The following SLC14A2 variants were observed in gnomAD, a reference collection of about 807,000 sequenced individuals.
SLC14A2 encodes the protein urea transporter 2.
SLC14A2 carries 91 observed loss-of-function variants against 104.6 expected under a neutral mutation model. The ratio of observed to expected loss-of-function variants is 0.87; its 90% CI spans 0.73 to 1.04. The LOEUF (loss-of-function observed/expected upper bound fraction) is 1.04, where lower values mean the gene tolerates loss of function less well. Among genes scored for constraint, SLC14A2 ranks in the 50% least tolerant of loss-of-function variants. The pLI is 0.00. For missense variants in SLC14A2, 1,189 were observed against 1,156.0 expected (o/e 1.03, Z -0.41); for synonymous variants, 476 against 466.4 (o/e 1.02, Z -0.27).
chr18:45,566,946 T>C lies in SLC14A2; in HGVS notation c.-34-57685T>C, dbSNP rs950430891. ...AAGTAACAACTAAAAGTTTCTGCCT[T>C]ATGTGGTCAATGGGAATCTGGTGAT... On this transcript the variant is annotated intron_variant, in intron 2 of 20. Coordinates refer to the SLC14A2 transcript ENST00000586448. Among the ~76,000 whole-genome samples the C allele has an allele frequency of 3.9e-5, 6 of 152,292 alleles. 1 individual carries two copies. The highest frequency in any genetic ancestry group is 6.5e-5 in the Admixed American group (1 of 15,288).
intron 1 of SLC14A2, among the ~76,000 whole-genome samples, chr18:45,478,976 G>C (rs1201835665): frequency 1.3e-5 from 2 of 152,208 alleles, no homozygotes; most frequent in African/African-American, 4.8e-5. Flanking sequence ...ACCCCCAAAA[G>C]ACGGTGTTGG....
chr18:45,469,851 T>C (rs2543003), intron 1 of SLC14A2, among the ~76,000 whole-genome samples: 34,701 of 152,088 alleles, frequency 0.23, 4,145 homozygotes, highest in Non-Finnish European at 0.27. Flanking sequence ...ACTAGAGAAG[T>C]AGGCAGGGAC....
chr18:45,460,042 A>G (rs1023277265), intron 1 of SLC14A2, among the ~76,000 whole-genome samples: 5 of 152,204 alleles, frequency 3.3e-5, no homozygotes, highest in African/African-American at 7.2e-5. Flanking sequence ...GGACTCTTCC[A>G]GCTTCCTTTA....
intron 1 of SLC14A2, among the ~76,000 whole-genome samples, chr18:45,222,465 C>G (rs1430027605): frequency 2.0e-5 from 3 of 152,158 alleles, no homozygotes; most frequent in Non-Finnish European, 4.4e-5. Flanking sequence ...GAAGTACAGA[C>G]AGTTCTGTTC....
At chr18:45,380,210 A>G (rs970719735) in intron 1 of SLC14A2, among the ~76,000 whole-genome samples, 2 of 152,208 alleles carry the variant, frequency 1.3e-5, no homozygotes, top group African/African-American at 4.8e-5. Flanking sequence ...GCTAAATATC[A>G]TAAGACCAAC....
chr18:45,235,988 T>C (rs1270624612), intron 1 of SLC14A2, among the ~76,000 whole-genome samples: 5 of 60,374 alleles, frequency 8.3e-5, no homozygotes, highest in South Asian at 4.7e-4. Context: ...TGTATATATG[T>C]GTATATATAC....
the SLC14A2 span, among the ~76,000 whole-genome samples, chr18:45,192,226 G>A: frequency 6.6e-6 from 1 of 152,018 alleles, no homozygotes; most frequent in Non-Finnish European, 1.5e-5. Flanking sequence ...GTGGTATCAG[G>A]CATATATTCA....
intron 1 of SLC14A2, among the ~76,000 whole-genome samples, chr18:45,320,839 C>A (rs1455727158): frequency 6.6e-6 from 1 of 152,208 alleles, no homozygotes; most frequent in Non-Finnish European, 1.5e-5. Context: ...CTACAACACC[C>A]ACTCCTTTTC....
chr18:45,296,185 G>T (rs2084916565), intron 1 of SLC14A2, among the ~76,000 whole-genome samples: 1 of 152,134 alleles, frequency 6.6e-6, no homozygotes. Flanking sequence ...TTTGCACTGG[G>T]CTCTGGGGAA....
chr18:45,640,510 T>C lies in SLC14A2; in HGVS notation c.991+617T>C, dbSNP rs768159580. 1.3e-4 allele frequency among the ~76,000 whole-genome samples: 20 copies of C among 152,214 alleles called. 1 individual carries two copies. The highest frequency in any genetic ancestry group is 2.8e-4 in the Non-Finnish European group (19 of 68,040). On this transcript the variant is annotated intron_variant, in intron 7 of 19. Coordinates refer to ENST00000255226, the MANE Select transcript of SLC14A2 (RefSeq NM_007163.4). The stretch of plus-strand genomic sequence containing the variant: ...CTTAACAAATGTGCTTTAATATTGC[T>C]ACCTGTGTATATGTATGTATACACA...
At chr18:45,635,312 T>C (rs2045402038) in intron 5 of SLC14A2, among the ~76,000 whole-genome samples, 1 of 152,198 alleles carries the variant, frequency 6.6e-6, no homozygotes, top group Admixed American at 6.5e-5. Flanking sequence ...AGAAGATTTT[T>C]TAGAAGAGAG....
chr18:45,366,662 T>TACCTC (rs909766792), intron 1 of SLC14A2, among the ~76,000 whole-genome samples: 2 of 152,194 alleles, frequency 1.3e-5, no homozygotes, highest in African/African-American at 4.8e-5. Context: ...GCCTAGGACA[T>TACCTC]ACCTCTGCCC....
intron 1 of SLC14A2, among the ~76,000 whole-genome samples, chr18:45,274,346 C>A (rs747171712): frequency 1.3e-5 from 2 of 152,170 alleles, no homozygotes; most frequent in African/African-American, 4.8e-5. Context: ...TCTAAACAAT[C>A]TACTAAGCTG....
chr18:45,291,869 G>T (rs2084873240), intron 1 of SLC14A2, among the ~76,000 whole-genome samples: 1 of 152,090 alleles, frequency 6.6e-6, no homozygotes, highest in African/African-American at 2.4e-5. Context: ...CCACAAACTG[G>T]CCAACATCCT....
chr18:45,235,009 G>A (rs114159096), intron 1 of SLC14A2, among the ~76,000 whole-genome samples: 171 of 152,222 alleles, frequency 1.1e-3, no homozygotes, highest in African/African-American at 4.0e-3. Flanking sequence ...AAAAACAAGA[G>A]ACATTTTCTG....
intron 1 of SLC14A2, among the ~76,000 whole-genome samples, chr18:45,325,682 G>A (rs554676172): frequency 3.0e-4 from 45 of 152,240 alleles, no homozygotes; most frequent in African/African-American, 1.1e-3. Flanking sequence ...GTGTTTAATG[G>A]TCTTGGTGAG....
In SLC14A2 at chr18:45,294,992, C is replaced by G. The variant is rs560548115; in HGVS notation, c.-125+81801C>G. 1.5e-4 allele frequency among the ~76,000 whole-genome samples: 23 copies of G among 152,320 alleles called. 1 individual carries two copies. The highest frequency in any genetic ancestry group is 1.2e-3 in the South Asian group (6 of 4,826). On this transcript the variant is annotated intron_variant, in intron 1 of 20. Transcript: ENST00000586448. The stretch of plus-strand genomic sequence containing the variant: ...AGTGAATCCTTAATGAACCATGATA[C>G]TTATTGTTTCATTCCTTTACTCATT...
intron 2 of SLC14A2, among the ~76,000 whole-genome samples, chr18:45,494,567 AAT>A (rs1491428351): frequency 6.7e-6 from 1 of 150,288 alleles, no homozygotes; most frequent in African/African-American, 2.4e-5. Context: ...CCAGAAAAAA[AAT>A]TTTTTTTTTT....
At chr18:45,176,945 A>G in the SLC14A2 span, among the ~76,000 whole-genome samples, 109 of 152,318 alleles carry the variant, frequency 7.2e-4, no homozygotes, top group African/African-American at 2.5e-3. Flanking sequence ...CTGCCTTTTG[A>G]CATTTCTACT....
Sources: allele counts gnomAD v4.1 joint callset (sites outside exome capture counted in the v4.1 genomes callset), GRCh38; gene constraint gnomAD v4.1.1; transcripts MANE v1.5; gene names NCBI Gene and HGNC (gene_info 2026-07-23, HGNC 2026-07-21).